The following IGSF21 variants were observed in gnomAD, a reference collection of about 807,000 sequenced individuals.
IGSF21 encodes immunoglobulin superfamily member 21.
A neutral mutation model predicts 46.8 loss-of-function variants in IGSF21; 28 were observed. The ratio of observed to expected loss-of-function variants is 0.60; its 90% CI spans 0.44 to 0.82. The LOEUF (loss-of-function observed/expected upper bound fraction) is 0.82. Among genes scored for constraint, IGSF21 ranks in the 40% least tolerant of loss-of-function variants. The probability of loss-of-function intolerance (pLI) is 0.00; values close to 1 mark genes in which losing one functional copy is unlikely to be tolerated. For synonymous variants in IGSF21, 284 were observed against 273.6 expected, an observed-to-expected ratio of 1.04 and a Z score of -0.38; for missense variants, 624 against 665.5, an observed-to-expected ratio of 0.94 and a Z score of 0.69.
intron 1 of IGSF21, chr1:18,114,249 G>A (rs2086167146): frequency 6.6e-6 from 1 of 152,164 alleles, no homozygotes; most frequent in Admixed American, 6.5e-5. Context: ...TACAGATGGA[G>A]GCCAATCTTA....
chr1:18,348,596 G>C (rs12062209), intron 4 of IGSF21, among the ~76,000 whole-genome samples: 1 of 152,076 alleles, frequency 6.6e-6, no homozygotes, highest in African/African-American at 2.4e-5. Context: ...GCAGTGCCTC[G>C]GGCCCAGTGA....
chr1:18,272,968 C>T (rs2085056869), intron 2 of IGSF21, among the ~76,000 whole-genome samples: 1 of 151,604 alleles, frequency 6.6e-6, no homozygotes, highest in African/African-American at 2.4e-5. Flanking sequence ...GGTGTCTTTC[C>T]CCGTTACTGG....
At chr1:18,187,822 T>C (rs1246732237) in intron 1 of IGSF21, among the ~76,000 whole-genome samples, 2 of 152,190 alleles carry the variant, frequency 1.3e-5, no homozygotes, top group Admixed American at 6.5e-5. Flanking sequence ...ATTGAGTACG[T>C]AACAGGCAGT....
intron 2 of IGSF21, among the ~76,000 whole-genome samples, chr1:18,256,220 C>T (rs529149699): frequency 1.3e-5 from 2 of 152,174 alleles, no homozygotes; most frequent in Non-Finnish European, 2.9e-5. Context: ...ATTCCTACCC[C>T]CCTTTAGGCT....
intron 1 of IGSF21, among the ~76,000 whole-genome samples, chr1:18,183,001 A>C (rs1007697771): frequency 6.6e-6 from 1 of 152,184 alleles, no homozygotes; most frequent in African/African-American, 2.4e-5. Flanking sequence ...ACCCGCTGCA[A>C]ACTGGCTGCC....
intron 2 of IGSF21, among the ~76,000 whole-genome samples, chr1:18,263,054 G>A (rs534261065): frequency 1.9e-3 from 294 of 152,322 alleles, no homozygotes; most frequent in African/African-American, 6.7e-3. Flanking sequence ...TGGGGCAATT[G>A]GCACCTGCAA....
chr1:18,375,729 G>C (rs555404363), intron 6 of IGSF21, among the ~76,000 whole-genome samples: 2 of 152,148 alleles, frequency 1.3e-5, no homozygotes, highest in Non-Finnish European at 2.9e-5. Flanking sequence ...TAGGAGACCC[G>C]CACCTTGATC....
intron 1 of IGSF21, among the ~76,000 whole-genome samples, chr1:18,140,508 C>T (rs2086405813): frequency 6.6e-6 from 1 of 152,206 alleles, no homozygotes; most frequent in Non-Finnish European, 1.5e-5. Flanking sequence ...GGGTGAGGAT[C>T]TGGAAAGCAC....
chr1:18,174,711 G>A (rs945927765), intron 1 of IGSF21, among the ~76,000 whole-genome samples: 15 of 152,214 alleles, frequency 9.9e-5, no homozygotes, highest in Admixed American at 3.9e-4. Context: ...TGAGGCTCAC[G>A]TCTGTTCGAC....
intron 3 of IGSF21, among the ~76,000 whole-genome samples, chr1:18,332,498 CTTT>C (rs71018070): frequency 3.2e-4 from 47 of 147,410 alleles, no homozygotes; most frequent in Non-Finnish European, 3.4e-4. Context: ...CTCTGAGTCT[CTTT>C]TTTTTTTTTT....
intron 3 of IGSF21, among the ~76,000 whole-genome samples, chr1:18,308,780 T>C (rs2124582848): frequency 6.6e-6 from 1 of 152,278 alleles, no homozygotes; most frequent in East Asian, 1.9e-4. Flanking sequence ...GAGGATGGCC[T>C]TGATGACCTG....
chr1:18,191,542 G>A (rs960524904), intron 1 of IGSF21, among the ~76,000 whole-genome samples: 2 of 152,094 alleles, frequency 1.3e-5, no homozygotes, highest in Non-Finnish European at 2.9e-5. Context: ...CAAAGGGAAT[G>A]GGATCCATAC....
intron 3 of IGSF21, among the ~76,000 whole-genome samples, chr1:18,314,576 C>T (rs2085521926): frequency 6.6e-6 from 1 of 152,204 alleles, no homozygotes; most frequent in Non-Finnish European, 1.5e-5. Flanking sequence ...AGCGCCCTCT[C>T]ATGATCCCTG....
At chr1:18,268,457 T>TG (rs530978835) in intron 2 of IGSF21, among the ~76,000 whole-genome samples, 5 of 152,304 alleles carry the variant, frequency 3.3e-5, no homozygotes, top group African/African-American at 7.2e-5. Context: ...GGGCTGTGGC[T>TG]GGGGGTGTCA....
In IGSF21 at chr1:18,202,577, AAGAGAGAG is replaced by A. The variant is rs147654635; in HGVS notation, c.71-25306_71-25299del. ...ACCTTCTTCACAGGGTGGCAGGAGA[AAGAGAGAG>A]AGAGAGAGAGAGAGCCAAGGGGGAA... On this transcript the variant is annotated intron_variant, in intron 1 of 9. Transcript: ENST00000251296. 4.2e-4 allele frequency among the ~76,000 whole-genome samples: 63 copies of A among 149,198 alleles called. 2 individuals are homozygous for A. Among genetic ancestry groups the A allele is most frequent in the Admixed American group, 1.9e-3 (28 of 14,930 alleles).
intron 1 of IGSF21, among the ~76,000 whole-genome samples, chr1:18,162,950 G>A (rs2086641145): frequency 6.6e-6 from 1 of 152,196 alleles, no homozygotes; most frequent in Non-Finnish European, 1.5e-5. Flanking sequence ...CCAGGATCAT[G>A]TTCTGTGAAC....
intron 1 of IGSF21, among the ~76,000 whole-genome samples, chr1:18,181,509 G>A (rs1212321259): frequency 6.6e-6 from 1 of 152,148 alleles, no homozygotes; most frequent in African/African-American, 2.4e-5. Flanking sequence ...GCAGGGAGCA[G>A]GGCACCAGCC....
intron 2 of IGSF21, among the ~76,000 whole-genome samples, chr1:18,242,620 G>A (rs752072409): frequency 6.6e-6 from 1 of 152,150 alleles, no homozygotes; most frequent in Admixed American, 6.5e-5. Flanking sequence ...ATAATTGAGG[G>A]TGTAAGAAGG....
intron 2 of IGSF21, among the ~76,000 whole-genome samples, chr1:18,238,575 T>A (rs1227968864): frequency 6.6e-6 from 1 of 152,126 alleles, no homozygotes; most frequent in Non-Finnish European, 1.5e-5. Context: ...GGAGACCACT[T>A]CCCTGGTCCA....
Sources: allele counts gnomAD v4.1 joint callset (sites outside exome capture counted in the v4.1 genomes callset), GRCh38; gene constraint gnomAD v4.1.1; transcripts MANE v1.5; gene names NCBI Gene and HGNC (gene_info 2026-07-23, HGNC 2026-07-21).